Variants in GOLGA6L6 observed in about 807,000 individuals in gnomAD.
GOLGA6L6 encodes golgin A6 family like 6 (gene/pseudogene).
In GOLGA6L6, 12 loss-of-function variants were observed where a neutral mutation model predicts 75.6. That is an observed-to-expected ratio of 0.16 (90% CI 0.10 to 0.26). The LOEUF is 0.26. GOLGA6L6 is among the 10% of genes least tolerant of loss of function. The pLI is 1.00. For missense variants in GOLGA6L6, 144 were observed against 598.5 expected (o/e 0.24, Z 7.92); for synonymous variants, 38 against 179.2 (o/e 0.21, Z 6.29).
In GOLGA6L6 at chr15:20,534,988, C is replaced by T. The variant is rs1376735243; in HGVS notation, c.1446G>A (p.Gln482=). 1 of 1,481,294 alleles carries T rather than the reference C, an allele frequency of 6.8e-7. No homozygotes were observed. The allele number at this position is 1,481,294 out of a possible 1,614,324, so 91.8% of individuals were successfully genotyped here. A position where few individuals can be genotyped will look rare whatever the true frequency, so the allele number is the denominator to read the frequency against. Residue 482 remains glutamine (Q), a synonymous_variant, in exon 8 of 9, where the codon CAG becomes CAA. Coordinates refer to ENST00000619213, the MANE Select transcript of GOLGA6L6 (RefSeq NM_001145004.2). ...MHEQEEKIRK[Q]EEKVWRQEEK... is the part of the protein sequence containing the mutation. ...CCTCCTGCCTCCACACCTTCTCCTC[C>T]TGCTTCCGTATCTTCTCCTCCTGCT...
At chr15:20,537,688 TGG>T (rs1890400531) in intron 5 of GOLGA6L6, among the ~76,000 whole-genome samples, 1 of 142,598 alleles carries the variant, frequency 7.0e-6, no homozygotes, top group African/African-American at 2.6e-5. Context: ...ATTCTTCCGC[TGG>T]AGGTAGGGGC....
chr15:20,534,282 C>T lies in GOLGA6L6; in HGVS notation c.2152G>A (p.Glu718Lys), dbSNP rs1890279598. The change falls in exon 8 of 9, where the codon GAG becomes AAG. Residue 718 changes from glutamate to lysine, a missense_variant. By Grantham distance (56) the Glu-to-Lys change is moderately conservative (BLOSUM62 1). Coordinates refer to ENST00000619213, the MANE Select transcript of GOLGA6L6 (RefSeq NM_001145004.2). Reference sequence around the variant, plus strand: ...ACCTAGTGTTCCTGCATCTTCTCCTCCTGCTGCCGCAGCCTCACTTCCTGC... The same window carrying T: ...ACCTAGTGTTCCTGCATCTTCTCCTTCTGCTGCCGCAGCCTCACTTCCTGC... ...WEQEVRLRQQ[E>K]EKMQEH is the part of the protein sequence containing the mutation. 9.6e-7 allele frequency: 1 copy of T among 1,040,128 alleles called. No individual in the cohort carries two copies. Among genetic ancestry groups the T allele is most frequent in the South Asian group, 1.4e-5 (1 of 71,808 alleles). 64.4% of individuals were successfully genotyped at this position (1,040,128 alleles called of 1,614,324 possible).
At chr15:20,539,604 C>A (rs1403484970) in intron 2 of GOLGA6L6, among the ~76,000 whole-genome samples, 169 bp downstream of exon 2, 2 of 132,276 alleles carry the variant, frequency 1.5e-5, no homozygotes, top group East Asian at 4.3e-4. Context: ...AAGAGAGGCC[C>A]AAAGAGCTCA....
Position 20,534,888 on chromosome 15 carries a change from C to T in GOLGA6L6, c.1546G>A (p.Glu516Lys). 1 of 1,376,758 alleles carries T rather than the reference C, an allele frequency of 7.3e-7. No individual in the cohort carries two copies. The highest frequency in any genetic ancestry group is 1.0e-6 in the Non-Finnish European group (1 of 1,002,976). 85.3% of individuals were successfully genotyped at this position (1,376,758 alleles called of 1,614,324 possible). ...TCCTCCCTCCACATCTCCTCCTGCT[C>T]CCGTATCTTCTCCTCCTGCCTCCAC... The part of the protein sequence containing the change: ...KMWRQEEKIR[E>K]QEEMWREEEK... Residue 516 changes from glutamate to lysine, a missense_variant, in exon 8 of 9, where the codon GAG becomes AAG. Glu to Lys is a moderately conservative substitution (Grantham distance 56, BLOSUM62 1). Transcript: ENST00000619213.
chr15:20,533,163 CT>C lies in GOLGA6L6; in HGVS notation c.*439del, dbSNP rs369347027. On this transcript the variant is annotated 3_prime_UTR_variant, in exon 9 of 9. Coordinates refer to ENST00000619213, the MANE Select transcript of GOLGA6L6 (RefSeq NM_001145004.2). ...TAGAAACATACATGTAAGGAAGAAA[CT>C]TTTTTTTTTGAGACGGAGTTTCGCT... is the stretch of plus-strand genomic sequence containing the variant. The C allele has an allele frequency of 2.5e-3, 391 of 156,888 alleles. 10 individuals carry two copies. Among genetic ancestry groups the C allele is most frequent in the South Asian group, 3.2e-3 (18 of 5,706 alleles). The allele number at this position is 156,888 out of a possible 1,614,324, so 9.7% of individuals were successfully genotyped here.
chr15:20,534,994 C>T lies in GOLGA6L6; in HGVS notation c.1440G>A (p.Arg480=). Residue 480 remains arginine, a synonymous_variant, in exon 8 of 9, where the codon CGG becomes CGA. Transcript: ENST00000619213. The part of the protein sequence containing the change: ...EKMHEQEEKI[R]KQEEKVWRQE... ...GCCTCCACACCTTCTCCTCCTGCTT[C>T]CGTATCTTCTCCTCCTGCTCGTGCA... The T allele has an allele frequency of 6.8e-7, 1 of 1,473,872 alleles. No individual in the cohort carries two copies. 91.3% of individuals were successfully genotyped at this position (1,473,872 alleles called of 1,614,324 possible).
chr15:20,539,120 C>T lies in GOLGA6L6; in HGVS notation c.292-434G>A, dbSNP rs926704047. On this transcript the variant is annotated intron_variant, in intron 2 of 8. Coordinates refer to ENST00000619213, the MANE Select transcript of GOLGA6L6 (RefSeq NM_001145004.2). ...TGGGAACATGAACTGGTCAACTCTC[C>T]TCAACTCCCAAAGAAGAAGGATTTG... 7.6e-5 allele frequency among the ~76,000 whole-genome samples: 4 copies of T among 52,396 alleles called. 1 individual carries two copies. The highest frequency in any genetic ancestry group is 1.6e-4 in the Non-Finnish European group (4 of 25,798). The allele number at this position is 52,396 out of a possible 152,430, so 34.4% of individuals were successfully genotyped here.
intron 5 of GOLGA6L6, among the ~76,000 whole-genome samples, chr15:20,537,770 A>C (rs1339998309): frequency 7.2e-6 from 1 of 138,292 alleles, no homozygotes; most frequent in African/African-American, 2.7e-5. Context: ...ATAGTCCAAA[A>C]CTCAGAAAGT....
chr15:20,534,130 T>A, intron 8 of GOLGA6L6, 129 bp downstream of exon 8: 2 of 481,246 alleles, frequency 4.2e-6, no homozygotes, highest in Non-Finnish European at 6.9e-6. Flanking sequence ...CCAACCACCA[T>A]CTGCTAAGTT....
intron 5 of GOLGA6L6, among the ~76,000 whole-genome samples, chr15:20,537,484 C>G (rs200773187): frequency 0.048 from 6,200 of 128,578 alleles, 13 homozygotes; most frequent in East Asian, 0.1. Context: ...TACCACTGTT[C>G]GAACCTTTCT....
chr15:20,535,020 T>C lies in GOLGA6L6; in HGVS notation c.1414A>G (p.Met472Val). ...CGTATCTTCTCCTCCTGCTCGTGCA[T>C]CTTCTCCTTTTGCCTCCATATCTCC... ...QEEIWRQKEK[M>V]HEQEEKIRKQ... The change falls in exon 8 of 9, where the codon ATG becomes GTG. Residue 472 changes from methionine (M) to valine (V), a missense_variant. By Grantham distance (21) the Met-to-Val change is conservative. Coordinates refer to ENST00000619213, the MANE Select transcript of GOLGA6L6 (RefSeq NM_001145004.2). 1 of 1,420,110 alleles carries C rather than the reference T, an allele frequency of 7.0e-7. No homozygotes were observed. Among genetic ancestry groups the C allele is most frequent in the Non-Finnish European group, 9.5e-7 (1 of 1,054,782 alleles). The allele number at this position is 1,420,110 out of a possible 1,614,324, so 88.0% of individuals were successfully genotyped here. A position where few individuals can be genotyped will look rare whatever the true frequency, so the allele number is the denominator to read the frequency against.
Position 20,534,260 on chromosome 15 carries a change from TA to T in GOLGA6L6, c.2173del (p.Ter725ArgfsTer19), listed in dbSNP as rs1890278571. The T allele has an allele frequency of 4.3e-6, 4 of 933,628 alleles. No individual in the cohort carries two copies. In the Admixed American group the frequency reaches 9.3e-5, roughly 22 times the overall value. 57.8% of individuals were successfully genotyped at this position (933,628 alleles called of 1,614,324 possible). A position where few individuals can be genotyped will look rare whatever the true frequency, so the allele number is the denominator to read the frequency against. On this transcript the variant is annotated frameshift_variant and stop_lost and splice_region_variant, in exon 8 of 9. Coordinates refer to ENST00000619213, the MANE Select transcript of GOLGA6L6 (RefSeq NM_001145004.2). LOFTEE classifies it high-confidence loss of function. ...RQQEEKMQEH[*>X] is the part of the protein sequence containing the mutation. The stretch of plus-strand genomic sequence containing the variant: ...CTCCTCCAGCTCCTGCAGCCTCACC[TA>T]GTGTTCCTGCATCTTCTCCTCCTGC...
chr15:20,534,925 C>G lies in GOLGA6L6; in HGVS notation c.1509G>C (p.Gln503His), dbSNP rs1446290167. 27 of 1,510,094 alleles carry G rather than the reference C, an allele frequency of 1.8e-5. No homozygotes were observed. The highest frequency in any genetic ancestry group is 2.3e-5 in the Non-Finnish European group (26 of 1,119,668). The allele number at this position is 1,510,094 out of a possible 1,614,324, so 93.5% of individuals were successfully genotyped here. A position where few individuals can be genotyped will look rare whatever the true frequency, so the allele number is the denominator to read the frequency against. The change falls in exon 8 of 9, where the codon CAG becomes CAC. Residue 503 changes from glutamine to histidine, a missense_variant. Gln to His is a conservative substitution (Grantham distance 24). Coordinates refer to ENST00000619213, the MANE Select transcript of GOLGA6L6 (RefSeq NM_001145004.2). Reference protein sequence around the residue: ...IREQEEKIREQEEKMWRQEEK... With the variant: ...IREQEEKIREHEEKMWRQEEK... ...CCTCCTGCCTCCACATCTTCTCCTCCTGCTCCCGTATCTTCTCCTCCTGCT... is the reference window on the plus strand; with the variant it reads ...CCTCCTGCCTCCACATCTTCTCCTCGTGCTCCCGTATCTTCTCCTCCTGCT...
chr15:20,534,254 C>T lies in GOLGA6L6; in HGVS notation c.*5G>A. 1.1e-6 allele frequency: 1 copy of T among 908,896 alleles called. No individual in the cohort carries two copies. Among genetic ancestry groups the T allele is most frequent in the Non-Finnish European group, 1.6e-6 (1 of 617,878 alleles). The allele number at this position is 908,896 out of a possible 1,614,324, so 56.3% of individuals were successfully genotyped here. A position where few individuals can be genotyped will look rare whatever the true frequency, so the allele number is the denominator to read the frequency against. On this transcript the variant is annotated splice_donor_5th_base_variant and intron_variant, in intron 8 of 8. Transcript: ENST00000619213. The stretch of plus-strand genomic sequence containing the variant: ...CAGCCTCTCCTCCAGCTCCTGCAGC[C>T]TCACCTAGTGTTCCTGCATCTTCTC...
intron 5 of GOLGA6L6, among the ~76,000 whole-genome samples, chr15:20,537,705 T>G (rs1890401022): frequency 7.1e-6 from 1 of 140,358 alleles, no homozygotes; most frequent in Admixed American, 7.2e-5. Flanking sequence ...AGGGGCACAG[T>G]TAAGAAGGAG....
intron 5 of GOLGA6L6, among the ~76,000 whole-genome samples, chr15:20,537,428 G>T (rs1252995878): frequency 7.8e-6 from 1 of 127,418 alleles, no homozygotes; most frequent in Admixed American, 8.4e-5. Flanking sequence ...GCTAACAGGG[G>T]CCCAGAGCGA....
In GOLGA6L6 at chr15:20,532,562, G is replaced by A. The variant is rs1160200708; in HGVS notation, c.*1041C>T. 1 of 142,658 alleles carries A rather than the reference G, an allele frequency of 7.0e-6. No homozygotes were observed. Among genetic ancestry groups the A allele is most frequent in the African/African-American group, 2.7e-5 (1 of 37,082 alleles). 8.8% of individuals were successfully genotyped at this position (142,658 alleles called of 1,614,324 possible). The stretch of plus-strand genomic sequence containing the variant: ...GACAGATGAAGGTTTTCAACTTTCA[G>A]TAAAGGCAGAGGAGCTTGTTACGGA... On this transcript the variant is annotated 3_prime_UTR_variant, in exon 9 of 9. Coordinates refer to ENST00000619213, the MANE Select transcript of GOLGA6L6 (RefSeq NM_001145004.2).
In GOLGA6L6 at chr15:20,534,774, G is replaced by A. The variant is rs377638104; in HGVS notation, c.1660C>T (p.Arg554Trp). ...CTCCACACCTTCTCCTCCTGCTCCCGTATCTTCTCCTCCTGCCTCCACATC... is the reference window on the plus strand; with the variant it reads ...CTCCACACCTTCTCCTCCTGCTCCCATATCTTCTCCTCCTGCCTCCACATC... The part of the protein sequence containing the change: ...DKMWRQEEKI[R>W]EQEEKVWRQE... Residue 554 changes from arginine to tryptophan, a missense_variant, in exon 8 of 9, where the codon CGG (arginine) becomes TGG (tryptophan). Arg to Trp is a moderately radical substitution (Grantham distance 101, BLOSUM62 -3). Transcript: ENST00000619213. 170 of 1,203,120 alleles carry A rather than the reference G, an allele frequency of 1.4e-4. 2 individuals are homozygous for A. The highest frequency in any genetic ancestry group is 9.0e-4 in the African/African-American group (47 of 51,972). The allele number at this position is 1,203,120 out of a possible 1,614,324, so 74.5% of individuals were successfully genotyped here. A position where few individuals can be genotyped will look rare whatever the true frequency, so the allele number is the denominator to read the frequency against.
chr15:20,537,872 TA>T (rs1314205052), intron 5 of GOLGA6L6, among the ~76,000 whole-genome samples: 1 of 133,600 alleles, frequency 7.5e-6, no homozygotes, highest in Non-Finnish European at 1.7e-5. Flanking sequence ...GTTACCATAA[TA>T]CGTACACACA....
Sources: gnomAD v4.1 joint callset for allele counts (sites outside exome capture counted in the v4.1 genomes callset) on GRCh38, gnomAD v4.1.1 for gene constraint, MANE v1.5 for transcripts, NCBI Gene and HGNC (gene_info 2026-07-23, HGNC 2026-07-21) for gene names.